VASP: variants seen among roughly 807,000 people sequenced by gnomAD.
The protein encoded by VASP is vasodilator-stimulated phosphoprotein.
VASP carries 27 observed loss-of-function variants against 54.4 expected under a neutral mutation model. The ratio of observed to expected loss-of-function variants is 0.50; its 90% CI spans 0.37 to 0.68. The LOEUF is 0.68. Ranked by LOEUF, VASP falls within the 30% of genes least tolerant of loss-of-function variation. The pLI is 0.00. For synonymous variants in VASP, 233 were observed against 209.8 expected (o/e 1.11, Z -0.96); for missense variants, 488 against 528.3 (o/e 0.92, Z 0.75).
At chr19:45,513,555 G>A (rs1799235653) in intron 1 of VASP, among the ~76,000 whole-genome samples, 3 of 142,538 alleles carry the variant, frequency 2.1e-5, no homozygotes, top group Admixed American at 1.5e-4. Context: ...CACTGCAACT[G>A]CCTCCTGGGT....
At chr19:45,525,613 G>A (rs1450354294) in intron 11 of VASP, among the ~76,000 whole-genome samples, 1 of 152,112 alleles carries the variant, frequency 6.6e-6, no homozygotes, top group East Asian at 1.9e-4. Flanking sequence ...CAGGAGAATC[G>A]CTTGAACCCG....
chr19:45,518,392 G>A (rs946324598), intron 3 of VASP, among the ~76,000 whole-genome samples: 4 of 152,024 alleles, frequency 2.6e-5, no homozygotes, highest in East Asian at 1.9e-4. Context: ...GTGAAATTGC[G>A]TCTCTATTAA....
intron 1 of VASP, among the ~76,000 whole-genome samples, chr19:45,513,419 GT>G (rs1968638732): frequency 6.9e-6 from 1 of 144,768 alleles, no homozygotes; most frequent in Admixed American, 7.0e-5. Context: ...TAATTTTAAA[GT>G]TTTTTGTACA....
chr19:45,522,069 C>A, intron 4 of VASP, 99 bp from the exon 5 acceptor site: 2 of 1,549,448 alleles, frequency 1.3e-6, no homozygotes, highest in Middle Eastern at 2.3e-4. Context: ...GAGCCAGCCA[C>A]CCTGGAGACC....
At chr19:45,511,596 TC>T (rs1054723966) in intron 1 of VASP, among the ~76,000 whole-genome samples, 1 of 152,108 alleles carries the variant, frequency 6.6e-6, no homozygotes, top group African/African-American at 2.4e-5. Flanking sequence ...GTTCTAGACT[TC>T]GGGAAAACAC....
chr19:45,525,443 A>G (rs1968939836), intron 11 of VASP, among the ~76,000 whole-genome samples: 1 of 152,138 alleles, frequency 6.6e-6, no homozygotes, highest in Admixed American at 6.5e-5. Context: ...TCACAGCCAT[A>G]ATCCCAGCAG....
chr19:45,519,137 C>T (rs1472846145), intron 3 of VASP, among the ~76,000 whole-genome samples: 1 of 152,256 alleles, frequency 6.6e-6, no homozygotes, highest in African/African-American at 2.4e-5. Flanking sequence ...GCCCTAGCCT[C>T]CCGAGTAGCT....
intron 1 of VASP, among the ~76,000 whole-genome samples, chr19:45,512,701 G>T (rs1016737504): frequency 6.6e-6 from 1 of 152,002 alleles, no homozygotes; most frequent in Admixed American, 6.6e-5. Flanking sequence ...CTGGGTTCAC[G>T]TGATTCTCCT....
chr19:45,515,036 G>GCT (rs889818961), intron 1 of VASP, among the ~76,000 whole-genome samples: 1 of 152,170 alleles, frequency 6.6e-6, no homozygotes, highest in Non-Finnish European at 1.5e-5. Flanking sequence ...TGGGGGAGGG[G>GCT]CTTAAGGCCC....
rs1214258749 is a variant in VASP, at chr19:45,521,357, T to C, written c.379T>C (p.Trp127Arg). 1.3e-6 allele frequency: 2 copies of C among 1,583,148 alleles called. No homozygotes were observed. The highest frequency in any genetic ancestry group is 1.2e-5 in the South Asian group (1 of 86,530). ...CCCTCCACCCCCAGCACTTCCCACCTGGTCGGTCCCGAACGGCCCCTCCCC... is the reference window on the plus strand; with the variant it reads ...CCCTCCACCCCCAGCACTTCCCACCCGGTCGGTCCCGAACGGCCCCTCCCC... The part of the protein sequence containing the change: ...GPPPPPALPT[W>R]SVPNGPSPEE... Residue 127 changes from tryptophan (W) to arginine (R), a missense_variant, in exon 4 of 13, where the codon TGG becomes CGG. Physicochemically the swap from Trp to Arg is moderately radical, Grantham distance 101. Transcript: ENST00000245932.
chr19:45,524,437 ACTGGGGCCCC>A, intron 10 of VASP, 123 bp from the exon 11 acceptor site: 17 of 887,404 alleles, frequency 1.9e-5, no homozygotes, highest in South Asian at 3.1e-5. Flanking sequence ...AAAAAAAAAA[ACTGGGGCCCC>A]AAAAATACTT....
In VASP at chr19:45,526,840, TG is replaced by T. The variant is rs1968983003; in HGVS notation, c.*667del. On this transcript the variant is annotated 3_prime_UTR_variant, in exon 13 of 13. Coordinates refer to ENST00000245932, the MANE Select transcript of VASP (RefSeq NM_003370.4). ...TTTGATTTTTTATTTGGGTAGGTTT[TG>T]GGGTCCAGGCCATTTTTTTTACCCC... 2 of 152,108 alleles carry T rather than the reference TG, an allele frequency of 1.3e-5. No homozygotes were observed. Among genetic ancestry groups the T allele is most frequent in the East Asian group, 1.9e-4 (1 of 5,182 alleles). 9.4% of individuals were successfully genotyped at this position (152,108 alleles called of 1,614,324 possible).
chr19:45,508,502 C>T (rs1330125757), intron 1 of VASP, among the ~76,000 whole-genome samples: 1 of 152,166 alleles, frequency 6.6e-6, no homozygotes, highest in Non-Finnish European at 1.5e-5. Flanking sequence ...CGCCTCCGGC[C>T]ATAAGGGCGG....
chr19:45,523,878 G>T lies in VASP; in HGVS notation c.910+1G>T. 6.2e-7 allele frequency: 1 copy of T among 1,613,766 alleles called. No individual in the cohort carries two copies. Among genetic ancestry groups the T allele is most frequent in the Non-Finnish European group, 8.5e-7 (1 of 1,179,970 alleles). ...GAGGCCAGAGTCCCGGCCCAGAGTG[G>T]TGAGTAGAGTGCCCAGTCCAGCCAC... is the stretch of plus-strand genomic sequence containing the variant. On this transcript the variant is annotated splice_donor_variant, in intron 9 of 12. Transcript: ENST00000245932. LOFTEE classifies it high-confidence loss of function.
rs1968959268 is a variant in VASP at position 45,526,076 on chromosome 19, C to A, written c.1106-64C>A. 3 of 1,613,486 alleles carry A rather than the reference C, an allele frequency of 1.9e-6. No individual in the cohort carries two copies. In the Admixed American group the frequency reaches 5.0e-5, roughly 27 times the overall value. ...GAGGCATCATGTCCCTGGGCAAGAG[C>A]CCTGTTTTGGAAGGGAGGAGGCAGA... On this transcript the variant is annotated intron_variant, in intron 12 of 12. Transcript: ENST00000245932.
At chr19:45,523,189 A>ATTT (rs1568390471) in intron 7 of VASP, among the ~76,000 whole-genome samples, 2,998 of 106,664 alleles carry the variant, frequency 0.028, 194 homozygotes, top group South Asian at 0.072. Flanking sequence ...CAATCTCTTG[A>ATTT]ATTTTTTTTT....
chr19:45,523,087 A>G (rs975084172), intron 7 of VASP, among the ~76,000 whole-genome samples: 2 of 151,204 alleles, frequency 1.3e-5, no homozygotes, highest in Non-Finnish European at 2.9e-5. Context: ...CTGCAATCTC[A>G]GTGTTCCAAC....
chr19:45,518,882 A>T (rs772271944), intron 3 of VASP, among the ~76,000 whole-genome samples: 1 of 151,852 alleles, frequency 6.6e-6, no homozygotes, highest in African/African-American at 2.4e-5. Flanking sequence ...CCCAGGCTGG[A>T]GTGCAGTGGT....
rs192480501 is a variant in VASP at position 45,520,023 on chromosome 19, T to C, written c.344-1299T>C. Among the ~76,000 whole-genome samples, 15 of 149,576 alleles carry C rather than the reference T, an allele frequency of 1.0e-4. No individual in the cohort carries two copies. In the East Asian group the frequency reaches 3.0e-3, roughly 30 times the overall value. ...GAGTTTAAGCAATTCTGCCTCAGCC[T>C]CCTGAGTAGATGGAACTATAGGTGT... On this transcript the variant is annotated intron_variant, in intron 3 of 12. Coordinates refer to ENST00000245932, the MANE Select transcript of VASP (RefSeq NM_003370.4).
Sources: gnomAD v4.1 joint callset for allele counts (sites outside exome capture counted in the v4.1 genomes callset) on GRCh38, gnomAD v4.1.1 for gene constraint, MANE v1.5 for transcripts, NCBI Gene and HGNC (gene_info 2026-07-23, HGNC 2026-07-21) for gene names.